Variants in PLA2R1 observed in about 807,000 individuals in gnomAD.
The protein encoded by PLA2R1 is phospholipase A2 receptor 1.
Under a neutral mutation model 195.9 loss-of-function variants are expected in PLA2R1, and 158 were observed. The observed-to-expected ratio is 0.81, with a 90% confidence interval of 0.71 to 0.92. PLA2R1 has a LOEUF of 0.92. PLA2R1 is among the 40% of genes least tolerant of loss of function. The pLI is 0.00. For synonymous variants in PLA2R1, 586 were observed against 598.2 expected (o/e 0.98, Z 0.30); for missense variants, 1,626 against 1,764.6 (o/e 0.92, Z 1.41).
chr2:159,989,168 C>T (rs548215765), intron 11 of PLA2R1, among the ~76,000 whole-genome samples: 1 of 152,310 alleles, frequency 6.6e-6, no homozygotes, highest in Non-Finnish European at 1.5e-5. Context: ...GAACAGCTAG[C>T]TGGTGTTAAA....
At chr2:160,032,016 C>T (rs1369477128) in intron 4 of PLA2R1, among the ~76,000 whole-genome samples, 3 of 152,258 alleles carry the variant, frequency 2.0e-5, no homozygotes, top group African/African-American at 4.8e-5. Flanking sequence ...ATCCACCTGC[C>T]TTGGCCTCCC....
intron 14 of PLA2R1, 145 bp downstream of exon 14, chr2:159,979,685 A>G: frequency 1.8e-6 from 1 of 548,344 alleles, no homozygotes; most frequent in Middle Eastern, 2.9e-4. Context: ...ACCTTGCCAA[A>G]TAATTCTCCT....
chr2:159,975,568 C>A (rs1360981879), intron 17 of PLA2R1, among the ~76,000 whole-genome samples: 1 of 152,068 alleles, frequency 6.6e-6, no homozygotes, highest in South Asian at 2.1e-4. Context: ...TGCCAGGCAC[C>A]CCCCCAGGTA....
At chr2:160,025,703 G>A (rs1398883061) in intron 6 of PLA2R1, among the ~76,000 whole-genome samples, 6 of 147,656 alleles carry the variant, frequency 4.1e-5, no homozygotes, top group Admixed American at 2.0e-4. Flanking sequence ...TAAACAATAA[G>A]AGAGGAAGGA....
At chr2:159,958,639 C>T (rs1688252511) in intron 20 of PLA2R1, among the ~76,000 whole-genome samples, 1 of 152,036 alleles carries the variant, frequency 6.6e-6, no homozygotes, top group Non-Finnish European at 1.5e-5. Context: ...GACAACAGAC[C>T]CTAAAATGGT....
At chr2:159,929,307 GA>G (rs1686540209), downstream of PLA2R1, among the ~76,000 whole-genome samples, 1 of 151,678 alleles carries the variant, frequency 6.6e-6, no homozygotes, top group African/African-American at 2.4e-5. Context: ...AATTAGCAAG[GA>G]AAAAACAATC....
At chr2:160,009,674 A>T (rs1692225113) in intron 10 of PLA2R1, among the ~76,000 whole-genome samples, 1 of 150,808 alleles carries the variant, frequency 6.6e-6, no homozygotes, top group Non-Finnish European at 1.5e-5. Context: ...AAAAATGACT[A>T]ACATGGTGAA....
chr2:159,961,182 C>T (rs954211655), intron 20 of PLA2R1, among the ~76,000 whole-genome samples: 1 of 152,144 alleles, frequency 6.6e-6, no homozygotes, highest in Non-Finnish European at 1.5e-5. Flanking sequence ...GAATTTTAGG[C>T]ATTAATGCGC....
downstream of PLA2R1, among the ~76,000 whole-genome samples, chr2:159,927,361 C>A (rs1285705538): frequency 6.6e-6 from 1 of 152,144 alleles, no homozygotes; most frequent in Non-Finnish European, 1.5e-5. Flanking sequence ...GGATGCAAAT[C>A]ACTAGCTTTT....
At chr2:160,005,304 G>A (rs371083200) in intron 11 of PLA2R1, among the ~76,000 whole-genome samples, 4 of 151,952 alleles carry the variant, frequency 2.6e-5, no homozygotes, top group East Asian at 3.9e-4. Context: ...GTGTGGTGGC[G>A]CATGCCTGTG....
At chr2:159,926,926 G>C in the PLA2R1 span, among the ~76,000 whole-genome samples, 8 of 152,284 alleles carry the variant, frequency 5.3e-5, no homozygotes, top group Middle Eastern at 3.4e-3. Context: ...GCCAGTGCTA[G>C]GTTCCAGCAA....
rs1692769093 is a variant in PLA2R1 at position 160,016,480 on chromosome 2, TGC to T, written c.1551+132_1551+133del. 1.0e-5 allele frequency: 3 copies of T among 296,286 alleles called. No individual in the cohort carries two copies. In the East Asian group the frequency reaches 1.1e-4, roughly 11 times the overall value. 18.4% of individuals were successfully genotyped at this position (296,286 alleles called of 1,614,324 possible). ...AAGAGGAAAGGAAAGAAGGGGGGGG[TGC>T]GAGGAGAGAGAGAGAGATGAAAGAG... On this transcript the variant is annotated intron_variant, in intron 9 of 29. Coordinates refer to ENST00000283243, the MANE Select transcript of PLA2R1 (RefSeq NM_007366.5).
chr2:159,963,577 A>G (rs1486272832), intron 20 of PLA2R1, among the ~76,000 whole-genome samples: 1 of 152,228 alleles, frequency 6.6e-6, no homozygotes, highest in Non-Finnish European at 1.5e-5. Flanking sequence ...AAATGGACAA[A>G]GGACTTTAAT....
At position 159,935,558 on chromosome 2, in the gene PLA2R1, C is replaced by A. The variant is rs970713056; in HGVS notation, c.*6220G>T. 6.6e-6 allele frequency: 1 copy of A among 152,216 alleles called. No individual in the cohort carries two copies. Among genetic ancestry groups the A allele is most frequent in the African/African-American group, 2.4e-5 (1 of 41,452 alleles). 9.4% of individuals were successfully genotyped at this position (152,216 alleles called of 1,614,324 possible). ...TTATTGTTTGCTCAAATTGTTCCAG[C>A]ATTTCCACTGGAGAGCTCCTTCAGG... On this transcript the variant is annotated 3_prime_UTR_variant, in exon 30 of 30. Transcript: ENST00000283243.
chr2:159,978,176 T>C (rs1689703343), intron 14 of PLA2R1, among the ~76,000 whole-genome samples: 2 of 152,272 alleles, frequency 1.3e-5, no homozygotes, highest in South Asian at 2.1e-4. Context: ...TTCTAAGCTA[T>C]AGCTAGCTTT....
chr2:159,945,556 C>T (rs1156748323), intron 27 of PLA2R1, among the ~76,000 whole-genome samples: 1 of 152,208 alleles, frequency 6.6e-6, no homozygotes, highest in Non-Finnish European at 1.5e-5. Context: ...GCATAGTATT[C>T]CATGGTATAT....
intron 1 of PLA2R1, among the ~76,000 whole-genome samples, chr2:160,053,500 A>G (rs1278129473): frequency 6.6e-6 from 1 of 152,184 alleles, no homozygotes; most frequent in East Asian, 1.9e-4. Flanking sequence ...TCAGGCCCAC[A>G]GGAGATTGCA....
chr2:159,949,678 G>A lies in PLA2R1; in HGVS notation c.3639C>T (p.Asp1213=), dbSNP rs1169143188. Residue 1213 remains aspartate, a synonymous_variant, in exon 25 of 30, where the codon GAC becomes GAT. Transcript: ENST00000283243. ...SSLLGDCVFA[D]SNGRWHSTAC... ...CTGTGCTATGCCAGCGTCCGTTGCT[G>A]TCGGCAAAAACGCAGTCACCAAGGA... 6.2e-7 allele frequency: 1 copy of A among 1,613,896 alleles called. No homozygotes were observed. The highest frequency in any genetic ancestry group is 8.5e-7 in the Non-Finnish European group (1 of 1,179,910).
At position 160,039,046 on chromosome 2, in the gene PLA2R1, A is replaced by T. The variant is rs554361580; in HGVS notation, c.667+2979T>A. Among the ~76,000 whole-genome samples, 4 of 152,064 alleles carry T rather than the reference A, an allele frequency of 2.6e-5. No individual in the cohort carries two copies. The South Asian group carries it at 8.3e-4, about 32-fold the overall frequency. ...CACACCCAGCTAATTTTGTATTTTT[A>T]GTAGAGATGGGATTTCACCATGTTG... On this transcript the variant is annotated intron_variant, in intron 3 of 29. Coordinates refer to ENST00000283243, the MANE Select transcript of PLA2R1 (RefSeq NM_007366.5).
Sources: gnomAD v4.1 joint callset for allele counts (sites outside exome capture counted in the v4.1 genomes callset) on GRCh38, gnomAD v4.1.1 for gene constraint, MANE v1.5 for transcripts, NCBI Gene and HGNC (gene_info 2026-07-23, HGNC 2026-07-21) for gene names.